Variants in STT3B observed in about 807,000 individuals in gnomAD.
STT3B encodes the protein dolichyl-diphosphooligosaccharide--protein glycosyltransferase subunit STT3B.
A neutral mutation model predicts 96.8 loss-of-function variants in STT3B; 29 were observed. The observed-to-expected ratio is 0.30, with a 90% CI of 0.22 to 0.41. The LOEUF (loss-of-function observed/expected upper bound fraction) is 0.41. STT3B is among the 10% of genes least tolerant of loss of function. The pLI is 1.00. For synonymous variants in STT3B, 367 were observed against 360.0 expected (o/e 1.02, Z -0.22); for missense variants, 640 against 1,022.3 (o/e 0.63, Z 5.10).
At chr3:31,558,863 GT>G (rs200229146) in intron 1 of STT3B, among the ~76,000 whole-genome samples, 52,359 of 143,890 alleles carry the variant, frequency 0.36, 11,189 homozygotes, top group African/African-American at 0.58. Context: ...GTCTGTTCAG[GT>G]TTTTTTTTTT....
intron 3 of STT3B, among the ~76,000 whole-genome samples, chr3:31,595,569 A>G (rs1488869436): frequency 3.3e-5 from 5 of 152,176 alleles, no homozygotes; most frequent in Non-Finnish European, 1.5e-5. Context: ...AACACTTTGT[A>G]TATAGTACCT....
chr3:31,569,184 C>G (rs1203408978), intron 1 of STT3B, among the ~76,000 whole-genome samples: 1 of 151,730 alleles, frequency 6.6e-6, no homozygotes, highest in Non-Finnish European at 1.5e-5. Flanking sequence ...AATTAAAAAA[C>G]TTTTTTTTCT....
chr3:31,563,235 A>G lies in STT3B; in HGVS notation c.315-13161A>G, dbSNP rs561046874. ...GACAAGTACCAGATACATCTAGTCA[A>G]CTATCTTCAGCATTGATTTTTATTG... On this transcript the variant is annotated intron_variant, in intron 1 of 15. Coordinates refer to ENST00000295770, the MANE Select transcript of STT3B (RefSeq NM_178862.3). 2.0e-5 allele frequency among the ~76,000 whole-genome samples: 3 copies of G among 152,314 alleles called. No individual in the cohort carries two copies. The South Asian group carries it at 6.2e-4, about 32-fold the overall frequency.
At chr3:31,545,260 C>G (rs957836446) in intron 1 of STT3B, among the ~76,000 whole-genome samples, 3 of 152,068 alleles carry the variant, frequency 2.0e-5, no homozygotes, top group Admixed American at 6.5e-5. Flanking sequence ...AAAGGAAGAT[C>G]TTTTCACCTG....
intron 1 of STT3B, among the ~76,000 whole-genome samples, chr3:31,568,231 A>G (rs561632683): frequency 6.6e-6 from 1 of 152,326 alleles, no homozygotes; most frequent in East Asian, 1.9e-4. Flanking sequence ...TATTGAATAC[A>G]AGTACCACAT....
intron 5 of STT3B, 84 bp downstream of exon 5, chr3:31,600,543 C>T: frequency 3.2e-6 from 2 of 617,248 alleles, no homozygotes; most frequent in Middle Eastern, 3.5e-4. Flanking sequence ...TCTATTTGGT[C>T]AATATTATGC....
chr3:31,623,195 A>G (rs1699465759), intron 10 of STT3B, among the ~76,000 whole-genome samples: 1 of 152,152 alleles, frequency 6.6e-6, no homozygotes, highest in African/African-American at 2.4e-5. Flanking sequence ...CGTAGTTTTA[A>G]CAAGTCTGTT....
At chr3:31,596,988 CT>C in intron 4 of STT3B, 125 bp downstream of exon 4, 1 of 705,258 alleles carries the variant, frequency 1.4e-6, no homozygotes, top group Non-Finnish European at 2.3e-6. Flanking sequence ...CTACCATCCT[CT>C]TTCCTTCTCC....
At chr3:31,566,857 CTTTCCAGTGCTCTA>C (rs1372336247) in intron 1 of STT3B, among the ~76,000 whole-genome samples, 4 of 152,188 alleles carry the variant, frequency 2.6e-5, no homozygotes, top group Non-Finnish European at 4.4e-5. Context: ...ATTTGCCTGT[CTTTCCAGTGCTCTA>C]TTTCCAGTGC....
intron 3 of STT3B, among the ~76,000 whole-genome samples, chr3:31,595,311 A>G (rs1189200499): frequency 6.6e-6 from 1 of 152,248 alleles, no homozygotes; most frequent in Non-Finnish European, 1.5e-5. Context: ...ATGAAAGTCC[A>G]TATATCATAA....
intron 1 of STT3B, among the ~76,000 whole-genome samples, chr3:31,562,751 C>T (rs943771414): frequency 3.9e-5 from 6 of 152,284 alleles, no homozygotes; most frequent in African/African-American, 1.2e-4. Flanking sequence ...AATTCACAGT[C>T]GCCCTCTGCT....
At chr3:31,623,207 G>T (rs1000676909) in intron 10 of STT3B, among the ~76,000 whole-genome samples, 1 of 152,080 alleles carries the variant, frequency 6.6e-6, no homozygotes. Flanking sequence ...AAGTCTGTTG[G>T]TTTTAGGGTT....
At chr3:31,612,326 T>G (rs1012216503) in intron 5 of STT3B, among the ~76,000 whole-genome samples, 4 of 152,144 alleles carry the variant, frequency 2.6e-5, no homozygotes, top group African/African-American at 9.7e-5. Flanking sequence ...GAAAAATAGG[T>G]ACTTGGGTCC....
chr3:31,612,977 A>T (rs890492845), intron 5 of STT3B, among the ~76,000 whole-genome samples: 1 of 152,188 alleles, frequency 6.6e-6, no homozygotes, highest in Non-Finnish European at 1.5e-5. Context: ...GACAAAAACA[A>T]CATCTATTAC....
chr3:31,627,593 T>C lies in STT3B; in HGVS notation c.2073+1466T>C, dbSNP rs138698642. Among the ~76,000 whole-genome samples the C allele has an allele frequency of 2.4e-4, 37 of 152,338 alleles. No homozygotes were observed. In the East Asian group the frequency reaches 5.4e-3, roughly 22 times the overall value. On this transcript the variant is annotated intron_variant, in intron 13 of 15. Transcript: ENST00000295770. ...CACTGATCCAGAATAAAGGAATCTT[T>C]TGGGAAAAATGTATGCAGGTGTCGT... is the stretch of plus-strand genomic sequence containing the variant.
Position 31,596,902 on chromosome 3 carries a change from G to C in STT3B, c.777+39G>C, listed in dbSNP as rs9867914. The stretch of plus-strand genomic sequence containing the variant: ...TTTGAGACTACATGAAGTCTAGTAG[G>C]TCTCTGGAGGTTAAAACAGTTCTTT... On this transcript the variant is annotated intron_variant, in intron 4 of 15. Transcript: ENST00000295770. The C allele has an allele frequency of 0.093, 133,596 of 1,428,942 alleles. 6,760 individuals are homozygous for C. The highest frequency in any genetic ancestry group is 0.13 in the South Asian group (10,829 of 83,848). The allele number at this position is 1,428,942 out of a possible 1,614,324, so 88.5% of individuals were successfully genotyped here.
At chr3:31,586,800 T>C (rs1698548737) in intron 3 of STT3B, among the ~76,000 whole-genome samples, 1 of 152,162 alleles carries the variant, frequency 6.6e-6, no homozygotes, top group Non-Finnish European at 1.5e-5. Flanking sequence ...TCAGGTAGCA[T>C]GAGTAATCTA....
chr3:31,580,724 TG>T (rs1486774000), intron 3 of STT3B, among the ~76,000 whole-genome samples: 1 of 152,088 alleles, frequency 6.6e-6, no homozygotes, highest in African/African-American at 2.4e-5. Context: ...CAAAACTACT[TG>T]GCTAATGAGT....
intron 1 of STT3B, 102 bp from the exon 2 acceptor site, chr3:31,576,294 C>T (rs373997844): frequency 8.5e-5 from 38 of 444,708 alleles, no homozygotes; most frequent in East Asian, 3.3e-4. Flanking sequence ...TTGATGAAAA[C>T]GCTCTGAAAG....
Sources: allele counts gnomAD v4.1 joint callset (sites outside exome capture counted in the v4.1 genomes callset), GRCh38; gene constraint gnomAD v4.1.1; transcripts MANE v1.5; gene names NCBI Gene and HGNC (gene_info 2026-07-23, HGNC 2026-07-21).